Variants in PPFIBP1 observed in about 807,000 individuals in gnomAD.
The protein encoded by PPFIBP1 is PPFIB scaffold protein 1, also known as liprin-beta-1.
Under a neutral mutation model 137.8 loss-of-function variants are expected in PPFIBP1, and 112 were observed. The ratio of observed to expected loss-of-function variants is 0.81; its 90% confidence interval spans 0.70 to 0.95. The LOEUF (loss-of-function observed/expected upper bound fraction) is 0.95. Among genes scored for constraint, PPFIBP1 ranks in the 40% least tolerant of loss-of-function variants. The pLI, the probability that PPFIBP1 is intolerant of heterozygous loss-of-function variation, is 0.00. For synonymous variants in PPFIBP1, 378 were observed against 417.3 expected (o/e 0.91, Z 1.15); for missense variants, 1,083 against 1,196.6 (o/e 0.91, Z 1.40).
At chr12:27,689,347 T>A in intron 27 of PPFIBP1, 144 bp downstream of exon 27, 1 of 661,808 alleles carries the variant, frequency 1.5e-6, no homozygotes. Context: ...CAGCGCTTAG[T>A]TGTCTTGGGA....
chr12:27,653,981 C>G (rs757262843), intron 7 of PPFIBP1, among the ~76,000 whole-genome samples: 1 of 152,138 alleles, frequency 6.6e-6, no homozygotes, highest in African/African-American at 2.4e-5. Flanking sequence ...CTGATAATCT[C>G]CTAATAAAAA....
chr12:27,617,219 A>G (rs1427959543), intron 2 of PPFIBP1, among the ~76,000 whole-genome samples: 3 of 152,226 alleles, frequency 2.0e-5, no homozygotes, highest in African/African-American at 7.2e-5. Flanking sequence ...TTTTAGGCTC[A>G]AATAAACACC....
intron 2 of PPFIBP1, among the ~76,000 whole-genome samples, chr12:27,620,713 G>A (rs2056264070): frequency 1.7e-5 from 2 of 115,442 alleles, no homozygotes; most frequent in African/African-American, 6.7e-5. Context: ...CCAATAAAGT[G>A]GGGATAAGTA....
chr12:27,692,872 C>T lies in PPFIBP1; in HGVS notation c.3008C>T (p.Ser1003Leu). The change falls in exon 30 of 30, where the codon TCA (serine) becomes TTA (leucine). Residue 1003 changes from serine to leucine, a missense_variant. Coordinates refer to ENST00000228425, the MANE Select transcript of PPFIBP1 (RefSeq NM_003622.4). ...SPSASITDED[S>L]NV The stretch of plus-strand genomic sequence containing the variant: ...AGTGCCAGCATTACAGATGAAGACT[C>T]AAACGTTTGACCGTAGCACCTGGAT... 1 of 1,614,116 alleles carries T rather than the reference C, an allele frequency of 6.2e-7. No homozygotes were observed. The highest frequency in any genetic ancestry group is 8.5e-7 in the Non-Finnish European group (1 of 1,180,010).
intron 1 of PPFIBP1, among the ~76,000 whole-genome samples, chr12:27,571,300 C>T (rs1287283383): frequency 1.3e-5 from 2 of 151,812 alleles, no homozygotes; most frequent in Non-Finnish European, 2.9e-5. Flanking sequence ...CTCATTTTTC[C>T]AGGTTTTTCT....
chr12:27,634,483 G>C (rs1185519847), intron 3 of PPFIBP1, among the ~76,000 whole-genome samples: 1 of 152,126 alleles, frequency 6.6e-6, no homozygotes, highest in African/African-American at 2.4e-5. Context: ...TACTCTGATA[G>C]TCTTCATCTG....
At chr12:27,692,010 C>A in intron 28 of PPFIBP1, 82 bp downstream of exon 28, 3 of 1,196,136 alleles carry the variant, frequency 2.5e-6, no homozygotes, top group Non-Finnish European at 3.5e-6. Context: ...TGTGTCTGAT[C>A]AAGGACATTT....
intron 1 of PPFIBP1, among the ~76,000 whole-genome samples, chr12:27,543,734 G>A (rs180897033): frequency 5.3e-5 from 8 of 152,224 alleles, no homozygotes; most frequent in Admixed American, 2.0e-4. Flanking sequence ...TGAGCATACC[G>A]TTGGCTAAAT....
intron 1 of PPFIBP1, chr12:27,547,816 G>A (rs1946380463): frequency 6.6e-6 from 1 of 152,298 alleles, no homozygotes; most frequent in South Asian, 2.1e-4. Context: ...GTGAGGCTGT[G>A]TCCTGCAGCT....
At chr12:27,606,757 G>T (rs147422541) in intron 2 of PPFIBP1, among the ~76,000 whole-genome samples, 9 of 152,334 alleles carry the variant, frequency 5.9e-5, no homozygotes, top group African/African-American at 2.2e-4. Flanking sequence ...ATGTGATATA[G>T]TTGTTTGAGA....
At chr12:27,619,037 G>A (rs1565881848) in intron 2 of PPFIBP1, among the ~76,000 whole-genome samples, 1 of 152,102 alleles carries the variant, frequency 6.6e-6, no homozygotes, top group Non-Finnish European at 1.5e-5. Flanking sequence ...GAATGGGTGT[G>A]GGGAGAGACA....
Position 27,591,886 on chromosome 12 carries a change from C to T in PPFIBP1, c.-36+13647C>T, listed in dbSNP as rs567971891. Among the ~76,000 whole-genome samples, 31 of 152,324 alleles carry T rather than the reference C, an allele frequency of 2.0e-4. No homozygotes were observed. The East Asian group carries it at 5.6e-3, about 27-fold the overall frequency. ...AAATTGAAATTAATTTCCTCAGTGACTCAATACCTACTGCCACTCACTCAA... is the reference window on the plus strand; with the variant it reads ...AAATTGAAATTAATTTCCTCAGTGATTCAATACCTACTGCCACTCACTCAA... On this transcript the variant is annotated intron_variant, in intron 2 of 29. Transcript: ENST00000228425.
intron 1 of PPFIBP1, among the ~76,000 whole-genome samples, chr12:27,530,513 GTTTC>G (rs1400821065): frequency 8.5e-5 from 13 of 152,182 alleles, no homozygotes; most frequent in African/African-American, 2.7e-4. Flanking sequence ...ACAGAATTAA[GTTTC>G]TTTTATTGTT....
rs1246122660 is a variant in PPFIBP1, at chr12:27,619,983, T to C, written c.-35-13379T>C. Among the ~76,000 whole-genome samples, 4 of 151,948 alleles carry C rather than the reference T, an allele frequency of 2.6e-5. No individual in the cohort carries two copies. In the East Asian group the frequency reaches 7.7e-4, roughly 29 times the overall value. ...TTTTATATATATATTTACATATATA[T>C]ACACGCACATATTTACTATGTGTGT... On this transcript the variant is annotated intron_variant, in intron 2 of 29. Coordinates refer to ENST00000228425, the MANE Select transcript of PPFIBP1 (RefSeq NM_003622.4).
intron 2 of PPFIBP1, among the ~76,000 whole-genome samples, chr12:27,607,866 G>A (rs1046817921): frequency 2.6e-5 from 4 of 152,084 alleles, no homozygotes; most frequent in African/African-American, 9.7e-5. Context: ...AATACTCTGG[G>A]GGTGGGGACA....
At chr12:27,616,853 G>T (rs1180971888) in intron 2 of PPFIBP1, among the ~76,000 whole-genome samples, 1 of 152,188 alleles carries the variant, frequency 6.6e-6, no homozygotes, top group Non-Finnish European at 1.5e-5. Flanking sequence ...TGGAGGAATA[G>T]GAACAGGTTA....
In PPFIBP1 at chr12:27,673,764, TAGAAC is replaced by T. The variant is rs2060341819; in HGVS notation, c.1320-2_1322del. 1 of 1,611,930 alleles carries T rather than the reference TAGAAC, an allele frequency of 6.2e-7. No individual in the cohort carries two copies. Among genetic ancestry groups the T allele is most frequent in the Non-Finnish European group, 8.5e-7 (1 of 1,178,456 alleles). ...TATTAATTGTTATTACTGTTATTTT[TAGAAC>T]TTCAAGTCTGCAGAAGTCCAGCAGC... On this transcript the variant is annotated splice_acceptor_variant and coding_sequence_variant, in exon 16 of 30. Coordinates refer to ENST00000228425, the MANE Select transcript of PPFIBP1 (RefSeq NM_003622.4). LOFTEE classifies it high-confidence loss of function.
Position 27,608,812 on chromosome 12 carries a change from G to A in PPFIBP1, c.-35-24550G>A, listed in dbSNP as rs531236126. ...GTTTTCAGTGTCTCCATTTTCTGCA[G>A]ATAAATCTTTAGTTTCTTGATCAGC... is the stretch of plus-strand genomic sequence containing the variant. On this transcript the variant is annotated intron_variant, in intron 2 of 29. Coordinates refer to ENST00000228425, the MANE Select transcript of PPFIBP1 (RefSeq NM_003622.4). 5.1e-5 allele frequency: 9 copies of A among 175,324 alleles called. No homozygotes were observed. The South Asian group carries it at 9.3e-4, about 18-fold the overall frequency. The allele number at this position is 175,324 out of a possible 1,614,324, so 10.9% of individuals were successfully genotyped here.
intron 1 of PPFIBP1, among the ~76,000 whole-genome samples, chr12:27,546,231 C>G (rs1462456219): frequency 3.3e-5 from 5 of 152,126 alleles, no homozygotes; most frequent in Non-Finnish European, 7.3e-5. Context: ...AAGAATCTGG[C>G]ACTCTGATCC....
Sources: gnomAD v4.1 joint callset for allele counts (sites outside exome capture counted in the v4.1 genomes callset) on GRCh38, gnomAD v4.1.1 for gene constraint, MANE v1.5 for transcripts, NCBI Gene and HGNC (gene_info 2026-07-23, HGNC 2026-07-21) for gene names.